Variants in STIM1 observed in about 807,000 individuals in gnomAD.
STIM1 encodes the protein stromal interaction molecule 1.
A neutral mutation model predicts 74.7 loss-of-function variants in STIM1; 25 were observed. The ratio of observed to expected loss-of-function variants is 0.33; its 90% CI spans 0.24 to 0.47. STIM1 has a LOEUF of 0.47. Ranked by LOEUF, STIM1 falls within the 20% of genes least tolerant of loss-of-function variation. The pLI is 1.00. For synonymous variants in STIM1, 328 were observed against 348.8 expected (o/e 0.94, Z 0.66); for missense variants, 728 against 920.8 (o/e 0.79, Z 2.71).
chr11:4,038,839 G>A (rs942371850), intron 3 of STIM1, among the ~76,000 whole-genome samples: 8 of 152,034 alleles, frequency 5.3e-5, no homozygotes, highest in Non-Finnish European at 8.8e-5. Flanking sequence ...ATTTTTCAGA[G>A]TTTTCCCATT....
intron 2 of STIM1, among the ~76,000 whole-genome samples, chr11:3,980,598 A>G (rs1290313067): frequency 8.1e-6 from 1 of 123,462 alleles, no homozygotes; most frequent in African/African-American, 2.9e-5. Context: ...ACATAACAAG[A>G]CCCCATCTCT....
intron 1 of STIM1, among the ~76,000 whole-genome samples, chr11:3,860,693 C>G (rs2090560684): frequency 6.6e-6 from 1 of 152,120 alleles, no homozygotes; most frequent in Admixed American, 6.5e-5. Context: ...TATGAGGAAA[C>G]TGGCATCCAG....
At chr11:3,910,881 G>A (rs1427585647) in intron 1 of STIM1, among the ~76,000 whole-genome samples, 2 of 151,972 alleles carry the variant, frequency 1.3e-5, no homozygotes, top group Non-Finnish European at 2.9e-5. Flanking sequence ...AGCTACTCAG[G>A]AGGCTGAGGC....
At chr11:4,071,570 C>T (rs1333976719) in intron 6 of STIM1, among the ~76,000 whole-genome samples, 1 of 152,270 alleles carries the variant, frequency 6.6e-6, no homozygotes, top group East Asian at 1.9e-4. Flanking sequence ...TCCTGAACTC[C>T]TGGACTCAAG....
intron 4 of STIM1, among the ~76,000 whole-genome samples, chr11:4,056,994 A>C (rs1180848217): frequency 6.6e-6 from 1 of 152,118 alleles, no homozygotes; most frequent in African/African-American, 2.4e-5. Flanking sequence ...CTTCCTTTCA[A>C]TATTCAGTTT....
intron 2 of STIM1, among the ~76,000 whole-genome samples, chr11:4,012,976 A>G (rs1419085540): frequency 6.6e-6 from 1 of 152,178 alleles, no homozygotes; most frequent in Non-Finnish European, 1.5e-5. Context: ...GCATCTATTG[A>G]GATAATCATG....
At chr11:3,882,953 T>G (rs1161829554) in intron 1 of STIM1, among the ~76,000 whole-genome samples, 3 of 152,214 alleles carry the variant, frequency 2.0e-5, no homozygotes, top group African/African-American at 7.2e-5. Flanking sequence ...TACTTGTTGG[T>G]TAGTTGTATA....
intron 1 of STIM1, among the ~76,000 whole-genome samples, chr11:3,895,673 TCC>T (rs2092074144): frequency 4.2e-5 from 2 of 47,582 alleles, no homozygotes; most frequent in African/African-American, 2.7e-4. Context: ...TTTCTTTCTT[TCC>T]TTCCTTCCTT....
chr11:3,889,994 A>G (rs751139678), intron 1 of STIM1, among the ~76,000 whole-genome samples: 1 of 151,890 alleles, frequency 6.6e-6, no homozygotes, highest in Admixed American at 6.6e-5. Flanking sequence ...TGAGACTTCA[A>G]CTCTTGTCCT....
At chr11:3,985,194 T>C (rs186958722) in intron 2 of STIM1, among the ~76,000 whole-genome samples, 22 of 152,356 alleles carry the variant, frequency 1.4e-4, no homozygotes, top group African/African-American at 4.1e-4. Flanking sequence ...AGCAGGCTGT[T>C]GTTTTCCTTC....
At chr11:3,962,265 A>T (rs2093294538) in intron 1 of STIM1, among the ~76,000 whole-genome samples, 1 of 152,042 alleles carries the variant, frequency 6.6e-6, no homozygotes, top group Non-Finnish European at 1.5e-5. Context: ...CGAAGTCTCC[A>T]CTGCCTCCAG....
chr11:4,023,380 C>T (rs1379994383), intron 2 of STIM1, among the ~76,000 whole-genome samples: 1 of 152,054 alleles, frequency 6.6e-6, no homozygotes, highest in Non-Finnish European at 1.5e-5. Flanking sequence ...AGTAAATTAA[C>T]CTGTCTAAAC....
At chr11:3,871,592 A>C (rs1490320542) in intron 1 of STIM1, among the ~76,000 whole-genome samples, 1 of 152,202 alleles carries the variant, frequency 6.6e-6, no homozygotes, top group East Asian at 1.9e-4. Context: ...TTTAAAAAAC[A>C]ACTGGTTACT....
At chr11:3,974,304 C>T (rs573973989) in intron 2 of STIM1, 8 of 280,528 alleles carry the variant, frequency 2.9e-5, no homozygotes, top group African/African-American at 4.4e-5. Flanking sequence ...AAGCCATTCT[C>T]GTTTCTAATT....
chr11:3,973,070 G>T, intron 2 of STIM1: 1 of 443,238 alleles, frequency 2.3e-6, no homozygotes, highest in South Asian at 1.7e-5. Context: ...CCACTGCCCT[G>T]ATTTCCATAA....
At chr11:3,868,553 A>G (rs557549884) in intron 1 of STIM1, among the ~76,000 whole-genome samples, 2 of 152,364 alleles carry the variant, frequency 1.3e-5, no homozygotes, top group South Asian at 4.1e-4. Context: ...AGGTGGAGAT[A>G]GGCATTTTGA....
intron 1 of STIM1, among the ~76,000 whole-genome samples, chr11:3,925,744 A>G (rs1175829704): frequency 6.6e-6 from 1 of 152,238 alleles, no homozygotes; most frequent in Non-Finnish European, 1.5e-5. Context: ...AATGTAATCA[A>G]TAACAATGTA....
At chr11:3,983,231 G>A (rs1347446085) in intron 2 of STIM1, among the ~76,000 whole-genome samples, 1 of 152,184 alleles carries the variant, frequency 6.6e-6, no homozygotes, top group Non-Finnish European at 1.5e-5. Context: ...ACCATGCCCT[G>A]CCTCTATCTC....
At chr11:4,089,397 G>C (rs2094510955) in intron 12 of STIM1, among the ~76,000 whole-genome samples, 1 of 152,124 alleles carries the variant, frequency 6.6e-6, no homozygotes, top group Admixed American at 6.6e-5. Context: ...CAGTGTGATT[G>C]CTTCCCAGAA....
Sources: gnomAD v4.1 joint callset for allele counts (sites outside exome capture counted in the v4.1 genomes callset) on GRCh38, gnomAD v4.1.1 for gene constraint, MANE v1.5 for transcripts, NCBI Gene and HGNC (gene_info 2026-07-23, HGNC 2026-07-21) for gene names.